Variants in PRR16 observed in about 807,000 individuals in gnomAD.
The protein encoded by PRR16 is proline rich 16.
Under a neutral mutation model 18.2 loss-of-function variants are expected in PRR16, and 6 were observed. The observed-to-expected ratio is 0.33, with a 90% confidence interval of 0.18 to 0.65. PRR16 has a LOEUF of 0.65. PRR16 is among the 30% of genes least tolerant of loss of function. The pLI, the probability that PRR16 is intolerant of heterozygous loss-of-function variation, is 0.74. For synonymous variants in PRR16, 151 were observed against 147.8 expected (o/e 1.02, Z -0.16); for missense variants, 412 against 376.6 (o/e 1.09, Z -0.78).
chr5:120,745,368 C>A, the PRR16 span, among the ~76,000 whole-genome samples: 118 of 152,202 alleles, frequency 7.8e-4, no homozygotes, highest in African/African-American at 2.8e-3. Flanking sequence ...TTTCCTTTTT[C>A]TGAGGTGTTT....
At chr5:120,588,703 T>C (rs1753533077) in intron 1 of PRR16, among the ~76,000 whole-genome samples, 2 of 152,194 alleles carry the variant, frequency 1.3e-5, no homozygotes. Flanking sequence ...ACCTCCAAGG[T>C]ATGCCTATAT....
At chr5:120,706,514 C>T in the PRR16 span, among the ~76,000 whole-genome samples, 3 of 152,074 alleles carry the variant, frequency 2.0e-5, no homozygotes, top group Admixed American at 6.6e-5. Flanking sequence ...GTTCAACTGC[C>T]GTATCACACC....
the PRR16 span, among the ~76,000 whole-genome samples, chr5:120,720,183 G>T: frequency 6.6e-6 from 1 of 151,936 alleles, no homozygotes; most frequent in Non-Finnish European, 1.5e-5. Context: ...TAAATGGGAC[G>T]TCAGTCTCTG....
At position 120,648,785 on chromosome 5, in the gene PRR16, T is replaced by G. The variant is rs1755681889; in HGVS notation, c.160-37169T>G. ...GAGGTGGGAAGGCAAAGCCCTGGTT[T>G]GTAGTATTTGCCCGTTCTTACAGTG... On this transcript the variant is annotated intron_variant, in intron 1 of 1. Coordinates refer to ENST00000407149, the MANE Select transcript of PRR16 (RefSeq NM_001300783.2). Among the ~76,000 whole-genome samples the G allele has an allele frequency of 2.0e-5, 3 of 152,162 alleles. No homozygotes were observed. The South Asian group carries it at 6.2e-4, about 32-fold the overall frequency.
At chr5:120,603,353 G>C (rs184220615) in intron 1 of PRR16, among the ~76,000 whole-genome samples, 1 of 152,046 alleles carries the variant, frequency 6.6e-6, no homozygotes, top group Admixed American at 6.6e-5. Context: ...CTGCATTGAG[G>C]TGTTCATATT....
chr5:120,660,762 T>C lies in PRR16; in HGVS notation c.160-25192T>C, dbSNP rs539360132. On this transcript the variant is annotated intron_variant, in intron 1 of 1. Transcript: ENST00000407149. ...ATGACATTATGCAGTCTTATGTGTG[T>C]TTTTAGAATTTGCATAAATGGTGTA... 3.0e-4 allele frequency among the ~76,000 whole-genome samples: 45 copies of C among 152,198 alleles called. No individual in the cohort carries two copies. The South Asian group carries it at 6.4e-3, about 22-fold the overall frequency.
At chr5:120,771,100 G>A in the PRR16 span, among the ~76,000 whole-genome samples, 5 of 151,790 alleles carry the variant, frequency 3.3e-5, no homozygotes. Flanking sequence ...TTCAAATTAA[G>A]TAAGTTAGAT....
At chr5:120,644,419 G>T (rs1049737292) in intron 1 of PRR16, among the ~76,000 whole-genome samples, 30 of 21,678 alleles carry the variant, frequency 1.4e-3, no homozygotes, top group African/African-American at 5.0e-3. Context: ...AACAAATGAT[G>T]TTTAATTTTG....
At chr5:120,785,237 G>A in the PRR16 span, among the ~76,000 whole-genome samples, 1 of 152,064 alleles carries the variant, frequency 6.6e-6, no homozygotes, top group African/African-American at 2.4e-5. Flanking sequence ...TTCTAACTCT[G>A]CAAAGTGACA....
chr5:120,774,018 C>T, the PRR16 span, among the ~76,000 whole-genome samples: 2 of 152,048 alleles, frequency 1.3e-5, no homozygotes, highest in African/African-American at 4.8e-5. Context: ...TATAAAGTCA[C>T]ACTGCAAATG....
chr5:120,468,079 G>A (rs1749159763), intron 1 of PRR16, among the ~76,000 whole-genome samples: 1 of 152,084 alleles, frequency 6.6e-6, no homozygotes, highest in African/African-American at 2.4e-5. Flanking sequence ...CTGCAGGCTT[G>A]GGGAAATCGA....
At chr5:120,588,996 T>C (rs1753544342) in intron 1 of PRR16, among the ~76,000 whole-genome samples, 1 of 152,060 alleles carries the variant, frequency 6.6e-6, no homozygotes, top group Non-Finnish European at 1.5e-5. Context: ...ACTTCCTGGA[T>C]TAGAATCTTG....
At chr5:120,750,215 T>C in the PRR16 span, among the ~76,000 whole-genome samples, 7 of 152,210 alleles carry the variant, frequency 4.6e-5, no homozygotes, top group African/African-American at 1.7e-4. Context: ...CCTCAGTCAT[T>C]TGATTTTTTT....
chr5:120,523,983 G>A (rs1435268392), intron 1 of PRR16, among the ~76,000 whole-genome samples: 1 of 152,140 alleles, frequency 6.6e-6, no homozygotes, highest in South Asian at 2.1e-4. Flanking sequence ...ACTTGGATAT[G>A]AACTTTGAAC....
At chr5:120,768,549 GAATT>G in the PRR16 span, among the ~76,000 whole-genome samples, 1 of 151,512 alleles carries the variant, frequency 6.6e-6, no homozygotes, top group Admixed American at 6.6e-5. Context: ...TCCGAATCCT[GAATT>G]AATACTCAAT....
chr5:120,515,903 T>G (rs190189416), intron 1 of PRR16, among the ~76,000 whole-genome samples: 212 of 152,328 alleles, frequency 1.4e-3, no homozygotes, highest in Non-Finnish European at 2.1e-3. Context: ...GTTGATAGAA[T>G]TTCTTTCTTC....
intron 1 of PRR16, among the ~76,000 whole-genome samples, chr5:120,562,419 T>C (rs1752604447): frequency 6.6e-6 from 1 of 152,164 alleles, no homozygotes; most frequent in Non-Finnish European, 1.5e-5. Context: ...TGTGACTTTT[T>C]TTATATACAT....
the PRR16 span, among the ~76,000 whole-genome samples, chr5:120,782,648 C>G: frequency 4.3e-4 from 66 of 152,254 alleles, no homozygotes; most frequent in African/African-American, 1.5e-3. Flanking sequence ...GTAAGCATCC[C>G]TGTGTCCAGT....
the PRR16 span, among the ~76,000 whole-genome samples, chr5:120,760,109 T>C: frequency 1.3e-5 from 2 of 152,260 alleles, no homozygotes; most frequent in Admixed American, 1.3e-4. Context: ...TTAATTTTGA[T>C]ATTACTACAC....
Sources: allele counts gnomAD v4.1 joint callset (sites outside exome capture counted in the v4.1 genomes callset), GRCh38; gene constraint gnomAD v4.1.1; transcripts MANE v1.5; gene names NCBI Gene and HGNC (gene_info 2026-07-23, HGNC 2026-07-21).